EPHB1: variants seen among roughly 807,000 people sequenced by gnomAD.
The protein encoded by EPHB1 is ephrin type-B receptor 1.
Under a neutral mutation model 94.4 loss-of-function variants are expected in EPHB1, and 30 were observed. The observed-to-expected ratio is 0.32, with a 90% CI of 0.24 to 0.43. EPHB1 has a LOEUF of 0.43. EPHB1 is among the 20% of genes least tolerant of loss of function. The probability of loss-of-function intolerance (pLI) is 1.00; values close to 1 mark genes in which losing one functional copy is unlikely to be tolerated. For missense variants in EPHB1, 1,055 were observed against 1,308.3 expected (o/e 0.81, Z 2.99); for synonymous variants, 522 against 489.1 (o/e 1.07, Z -0.89).
intron 1 of EPHB1, among the ~76,000 whole-genome samples, chr3:134,809,454 A>T (rs1050726019): frequency 2.6e-5 from 4 of 152,154 alleles, no homozygotes; most frequent in African/African-American, 9.7e-5. Flanking sequence ...ATCAGGAGAA[A>T]GTAATTTTCC....
At chr3:135,033,969 G>A (rs1372177152) in intron 3 of EPHB1, among the ~76,000 whole-genome samples, 1 of 152,048 alleles carries the variant, frequency 6.6e-6, no homozygotes, top group African/African-American at 2.4e-5. Context: ...GTGCTGCACG[G>A]TCTCCCTCAC....
intron 1 of EPHB1, among the ~76,000 whole-genome samples, chr3:134,825,757 T>C (rs1319293907): frequency 6.6e-6 from 1 of 152,130 alleles, no homozygotes; most frequent in Non-Finnish European, 1.5e-5. Context: ...TATACTCCAG[T>C]CTCCTTCATC....
intron 2 of EPHB1, among the ~76,000 whole-genome samples, chr3:134,944,476 C>G (rs1454222743): frequency 6.6e-6 from 1 of 152,180 alleles, no homozygotes; most frequent in Non-Finnish European, 1.5e-5. Context: ...GCTTACTCCT[C>G]ATATAAAGAT....
At chr3:135,104,631 TA>T (rs1939145501) in intron 3 of EPHB1, among the ~76,000 whole-genome samples, 1 of 152,214 alleles carries the variant, frequency 6.6e-6, no homozygotes, top group African/African-American at 2.4e-5. Flanking sequence ...TAAAAAGTTT[TA>T]AAAGTTCTCA....
At chr3:134,930,036 TGCCCCATCCAGAG>T (rs2067188) in intron 2 of EPHB1, among the ~76,000 whole-genome samples, 89,450 of 151,888 alleles carry the variant, frequency 0.59, 28,613 homozygotes, top group African/African-American at 0.86. Context: ...GAACTGGGTT[TGCCCCATCCAGAG>T]GAGGCACACA....
intron 3 of EPHB1, among the ~76,000 whole-genome samples, chr3:135,052,650 A>T (rs1937202743): frequency 6.6e-6 from 1 of 151,328 alleles, no homozygotes; most frequent in African/African-American, 2.4e-5. Context: ...TCACGAGGTC[A>T]GGAGCTCACG....
chr3:134,851,611 A>T lies in EPHB1; in HGVS notation c.58+55922A>T, dbSNP rs146464008. On this transcript the variant is annotated intron_variant, in intron 1 of 15. Coordinates refer to ENST00000398015, the MANE Select transcript of EPHB1 (RefSeq NM_004441.5). Reference sequence around the variant, plus strand: ...TTCCTTGGGCTACTGCCAGTCCCTCATGGGGGCAAAACCATGCTCACTTGC... The same window carrying T: ...TTCCTTGGGCTACTGCCAGTCCCTCTTGGGGGCAAAACCATGCTCACTTGC... 7.2e-5 allele frequency among the ~76,000 whole-genome samples: 11 copies of T among 152,262 alleles called. No individual in the cohort carries two copies. The East Asian group carries it at 1.9e-3, about 27-fold the overall frequency.
intron 3 of EPHB1, among the ~76,000 whole-genome samples, chr3:134,987,941 G>A (rs1934660473): frequency 6.6e-6 from 1 of 150,594 alleles, no homozygotes; most frequent in South Asian, 2.1e-4. Flanking sequence ...ACCCAGACTG[G>A]TATTTTTTTT....
chr3:135,004,116 T>C (rs1056961344), intron 3 of EPHB1, among the ~76,000 whole-genome samples: 2 of 152,084 alleles, frequency 1.3e-5, no homozygotes, highest in African/African-American at 4.8e-5. Context: ...CTTTCCATGT[T>C]TAGCGCTTCC....
At chr3:135,099,603 A>T (rs987024493) in intron 3 of EPHB1, among the ~76,000 whole-genome samples, 40 of 152,312 alleles carry the variant, frequency 2.6e-4, no homozygotes, top group Middle Eastern at 3.4e-3. Flanking sequence ...CCAGGCCTGA[A>T]ATTTCAGAGC....
chr3:134,876,647 G>A (rs2108309681), intron 1 of EPHB1, among the ~76,000 whole-genome samples: 1 of 152,290 alleles, frequency 6.6e-6, no homozygotes, highest in Non-Finnish European at 1.5e-5. Context: ...GAGAGGCTCA[G>A]TAGGCTGGTT....
chr3:135,229,701 C>T (rs1576485092), intron 12 of EPHB1, among the ~76,000 whole-genome samples: 1 of 152,300 alleles, frequency 6.6e-6, no homozygotes, highest in East Asian at 1.9e-4. Flanking sequence ...CAGTCTCCAT[C>T]TGAGAGCCCC....
intron 3 of EPHB1, among the ~76,000 whole-genome samples, chr3:135,000,369 G>A (rs1935134464): frequency 6.6e-6 from 1 of 152,160 alleles, no homozygotes; most frequent in African/African-American, 2.4e-5. Context: ...ACAGGAAACT[G>A]ACAGAAAGAC....
At chr3:134,815,534 A>G (rs2036253779) in intron 1 of EPHB1, among the ~76,000 whole-genome samples, 2 of 152,182 alleles carry the variant, frequency 1.3e-5, no homozygotes, top group Non-Finnish European at 2.9e-5. Context: ...TAAAAGGAAT[A>G]TGGGGGTTTC....
chr3:134,997,899 T>G (rs1256020370), intron 3 of EPHB1, among the ~76,000 whole-genome samples: 1 of 152,226 alleles, frequency 6.6e-6, no homozygotes, highest in Non-Finnish European at 1.5e-5. Context: ...CCTATTCTAT[T>G]TTAAGCAAAA....
At chr3:135,152,668 T>G (rs1941229461) in intron 5 of EPHB1, among the ~76,000 whole-genome samples, 1 of 146,434 alleles carries the variant, frequency 6.8e-6, no homozygotes, top group East Asian at 1.9e-4. Context: ...GAAAGGCCAC[T>G]GGGGAGTCTC....
chr3:134,810,394 T>G (rs895214513), intron 1 of EPHB1, among the ~76,000 whole-genome samples: 1 of 151,996 alleles, frequency 6.6e-6, no homozygotes, highest in South Asian at 2.1e-4. Flanking sequence ...TGGTGCTGCT[T>G]CTTTAACAGC....
chr3:134,906,474 ATG>A (rs1273788601), intron 1 of EPHB1, among the ~76,000 whole-genome samples: 2 of 152,232 alleles, frequency 1.3e-5, no homozygotes, highest in Non-Finnish European at 2.9e-5. Context: ...AAAATAATGA[ATG>A]AAGTGATCAA....
intron 2 of EPHB1, among the ~76,000 whole-genome samples, chr3:134,939,829 A>G (rs1462233336): frequency 6.6e-6 from 1 of 152,226 alleles, no homozygotes; most frequent in Non-Finnish European, 1.5e-5. Flanking sequence ...GGCAATGCCA[A>G]GAAAGCTCCA....
Sources: allele counts gnomAD v4.1 joint callset (sites outside exome capture counted in the v4.1 genomes callset), GRCh38; gene constraint gnomAD v4.1.1; transcripts MANE v1.5; gene names NCBI Gene and HGNC (gene_info 2026-07-23, HGNC 2026-07-21).